SLC9A9: variants seen among roughly 807,000 people sequenced by gnomAD.
SLC9A9 encodes sodium/hydrogen exchanger 9.
SLC9A9 carries 62 observed loss-of-function variants against 77.8 expected under a neutral mutation model. The observed-to-expected ratio is 0.80, with a 90% CI of 0.65 to 0.98. The LOEUF (loss-of-function observed/expected upper bound fraction) is 0.98. Among genes scored for constraint, SLC9A9 ranks in the 50% least tolerant of loss-of-function variants. The pLI is 0.00. For synonymous variants in SLC9A9, 320 were observed against 283.5 expected, an observed-to-expected ratio of 1.13 and a Z score of -1.29; for missense variants, 775 against 774.9, an observed-to-expected ratio of 1.00 and a Z score of 0.00.
intron 14 of SLC9A9, among the ~76,000 whole-genome samples, chr3:143,329,696 C>T (rs2031707394): frequency 6.6e-6 from 1 of 152,168 alleles, no homozygotes. Flanking sequence ...ATTCATCTCC[C>T]TAGCTGCTCA....
At chr3:143,782,522 C>T (rs1472384248) in intron 4 of SLC9A9, among the ~76,000 whole-genome samples, 1 of 152,168 alleles carries the variant, frequency 6.6e-6, no homozygotes, top group Non-Finnish European at 1.5e-5. Flanking sequence ...GCAATTTCAG[C>T]CTCAGCCTTC....
At chr3:143,269,489 A>C (rs1015970531) in intron 14 of SLC9A9, among the ~76,000 whole-genome samples, 2 of 152,214 alleles carry the variant, frequency 1.3e-5, no homozygotes, top group Non-Finnish European at 2.9e-5. Context: ...AACTTCATAC[A>C]TCAATGGATT....
intron 14 of SLC9A9, among the ~76,000 whole-genome samples, chr3:143,322,123 T>C (rs2031442243): frequency 6.6e-6 from 1 of 152,192 alleles, no homozygotes; most frequent in African/African-American, 2.4e-5. Flanking sequence ...AATTCGCCAG[T>C]GTGATTATTA....
chr3:143,501,774 A>G (rs2035927617), intron 9 of SLC9A9, among the ~76,000 whole-genome samples: 1 of 150,900 alleles, frequency 6.6e-6, no homozygotes, highest in African/African-American at 2.5e-5. Context: ...AACAGTCTTC[A>G]TAATAATTTC....
At chr3:143,578,831 C>T (rs1013203701) in intron 6 of SLC9A9, 108 bp from the exon 7 acceptor site, 13 of 1,359,778 alleles carry the variant, frequency 9.6e-6, no homozygotes, top group African/African-American at 2.9e-5. Context: ...ATGTTGGGTG[C>T]TGGTTGGAAG....
intron 2 of SLC9A9, among the ~76,000 whole-genome samples, chr3:143,820,463 A>G (rs1161440936): frequency 6.6e-6 from 1 of 152,202 alleles, no homozygotes; most frequent in Non-Finnish European, 1.5e-5. Context: ...AATATCGTAC[A>G]TCCTGGGTTT....
chr3:143,590,682 C>A (rs186513290), intron 6 of SLC9A9, among the ~76,000 whole-genome samples: 1 of 152,192 alleles, frequency 6.6e-6, no homozygotes, highest in Non-Finnish European at 1.5e-5. Flanking sequence ...AAGGGTACAC[C>A]GAGGTAGATA....
chr3:143,815,629 G>C (rs541650887), intron 2 of SLC9A9, among the ~76,000 whole-genome samples: 2 of 152,082 alleles, frequency 1.3e-5, no homozygotes, highest in Non-Finnish European at 2.9e-5. Context: ...TCTTTGGGAG[G>C]CTGAGGTGGA....
intron 4 of SLC9A9, among the ~76,000 whole-genome samples, chr3:143,751,679 T>G (rs1289581267): frequency 1.3e-5 from 2 of 152,156 alleles, no homozygotes; most frequent in Non-Finnish European, 2.9e-5. Flanking sequence ...CACAAGAACC[T>G]CTGCTTCAGG....
At chr3:143,656,429 G>A (rs912351117) in intron 5 of SLC9A9, among the ~76,000 whole-genome samples, 5 of 151,962 alleles carry the variant, frequency 3.3e-5, no homozygotes, top group Non-Finnish European at 5.9e-5. Flanking sequence ...ACTCTTAGAT[G>A]TTTGACAATT....
At chr3:143,539,790 G>T (rs2036654599) in intron 9 of SLC9A9, among the ~76,000 whole-genome samples, 1 of 152,082 alleles carries the variant, frequency 6.6e-6, no homozygotes, top group Non-Finnish European at 1.5e-5. Context: ...CATTGAATCA[G>T]ATCCATACAT....
At chr3:143,827,372 T>C (rs1478817328) in intron 2 of SLC9A9, among the ~76,000 whole-genome samples, 1 of 152,212 alleles carries the variant, frequency 6.6e-6, no homozygotes, top group Non-Finnish European at 1.5e-5. Flanking sequence ...GCTCATAACA[T>C]ATAGAAGAAT....
At chr3:143,286,066 C>T (rs960033696) in intron 14 of SLC9A9, among the ~76,000 whole-genome samples, 2 of 152,118 alleles carry the variant, frequency 1.3e-5, no homozygotes, top group African/African-American at 2.4e-5. Flanking sequence ...GAAAGATTCT[C>T]TTCTCTTTCA....
At chr3:143,316,788 C>A (rs918438157) in intron 14 of SLC9A9, among the ~76,000 whole-genome samples, 1 of 152,104 alleles carries the variant, frequency 6.6e-6, no homozygotes, top group African/African-American at 2.4e-5. Context: ...ATATTAAGAG[C>A]AAATTCATAC....
intron 4 of SLC9A9, among the ~76,000 whole-genome samples, chr3:143,751,841 C>T (rs957066331): frequency 6.6e-6 from 1 of 152,132 alleles, no homozygotes; most frequent in African/African-American, 2.4e-5. Context: ...CAGACCACAG[C>T]GAAGACTCAA....
At chr3:143,549,198 G>A (rs577667134) in intron 9 of SLC9A9, among the ~76,000 whole-genome samples, 9 of 152,272 alleles carry the variant, frequency 5.9e-5, no homozygotes, top group East Asian at 3.9e-4. Flanking sequence ...CTTGTAATTC[G>A]TTTCCCATGA....
chr3:143,531,168 A>G (rs2036504674), intron 9 of SLC9A9, among the ~76,000 whole-genome samples: 1 of 152,214 alleles, frequency 6.6e-6, no homozygotes, highest in Admixed American at 6.5e-5. Flanking sequence ...AATAGAAGCT[A>G]TCATTATCCC....
intron 8 of SLC9A9, among the ~76,000 whole-genome samples, chr3:143,571,205 GA>G (rs1341468106): frequency 5.9e-5 from 9 of 152,240 alleles, no homozygotes; most frequent in Non-Finnish European, 1.2e-4. Context: ...TGTTGTTAGT[GA>G]ACCCATACAA....
chr3:143,483,807 A>G (rs1454674789), intron 11 of SLC9A9, among the ~76,000 whole-genome samples: 2 of 152,174 alleles, frequency 1.3e-5, no homozygotes, highest in African/African-American at 4.8e-5. Context: ...TCACTGACCA[A>G]GACAGAAATT....
Sources: gnomAD v4.1 joint callset for allele counts (sites outside exome capture counted in the v4.1 genomes callset) on GRCh38, gnomAD v4.1.1 for gene constraint, MANE v1.5 for transcripts, NCBI Gene and HGNC (gene_info 2026-07-23, HGNC 2026-07-21) for gene names.